Variants in DTNA observed in about 807,000 individuals in gnomAD.
The protein encoded by DTNA is dystrophin-related protein 3.
In DTNA, 43 loss-of-function variants were observed where a neutral mutation model predicts 100.7. The ratio of observed to expected loss-of-function variants is 0.43; its 90% CI spans 0.33 to 0.55. The LOEUF (loss-of-function observed/expected upper bound fraction) is 0.55, where lower values mean the gene tolerates loss of function less well. DTNA is among the 20% of genes least tolerant of loss of function. The pLI is 0.04. For missense variants in DTNA, 798 were observed against 953.9 expected, an observed-to-expected ratio of 0.84 and a Z score of 2.15; for synonymous variants, 349 against 347.9, an observed-to-expected ratio of 1.00 and a Z score of -0.04.
At chr18:34,692,634 A>T (rs1352845430) in intron 1 of DTNA, among the ~76,000 whole-genome samples, 1 of 152,244 alleles carries the variant, frequency 6.6e-6, no homozygotes, top group Non-Finnish European at 1.5e-5. Context: ...AAATAAGTTT[A>T]TGTTTAGGTT....
At chr18:34,765,546 G>C (rs573235455) in intron 2 of DTNA, among the ~76,000 whole-genome samples, 2 of 152,302 alleles carry the variant, frequency 1.3e-5, no homozygotes, top group South Asian at 4.1e-4. Context: ...ATGCTCAGCA[G>C]TCAGTACATG....
At chr18:34,500,335 T>C (rs1243366557) in intron 1 of DTNA, among the ~76,000 whole-genome samples, 1 of 151,476 alleles carries the variant, frequency 6.6e-6, no homozygotes, top group Non-Finnish European at 1.5e-5. Context: ...AATTTCAGTG[T>C]TGAGGTATTC....
intron 1 of DTNA, among the ~76,000 whole-genome samples, chr18:34,519,260 T>A (rs1314366420): frequency 6.6e-6 from 1 of 152,136 alleles, no homozygotes. Context: ...AGACAATTTT[T>A]GAAAATCACC....
At chr18:34,866,578 T>A in intron 17 of DTNA, 2 of 1,014,250 alleles carry the variant, frequency 2.0e-6, no homozygotes, top group Non-Finnish European at 2.4e-6. Context: ...AGTATTCAGT[T>A]CGGTTTCATT....
At chr18:34,545,291 C>A (rs750075176) in intron 1 of DTNA, among the ~76,000 whole-genome samples, 2 of 151,952 alleles carry the variant, frequency 1.3e-5, no homozygotes, top group African/African-American at 4.8e-5. Context: ...ATCTTGAATC[C>A]CTTTGCAGTA....
At position 34,879,650 on chromosome 18, in the gene DTNA, C is replaced by T. The variant is rs747872788; in HGVS notation, c.2093C>T (p.Ala698Val). Reference protein sequence around the residue: ...PSPTSEKAFLAQIHARKPGYI... With the variant: ...PSPTSEKAFLVQIHARKPGYI... ...CCAACCTCTGAAAAGGCTTTTCTAG[C>T]GCAAATCCATGCCCGAAAACCTGGG... The change falls in exon 20 of 23, where the codon GCG becomes GTG. Residue 698 changes from alanine to valine, a missense_variant. Transcript: ENST00000444659. 4.2e-5 allele frequency: 67 copies of T among 1,614,064 alleles called. No individual in the cohort carries two copies. Among genetic ancestry groups the T allele is most frequent in the Admixed American group, 2.8e-4 (17 of 59,998 alleles).
At chr18:34,623,294 T>C (rs1459486868) in intron 1 of DTNA, among the ~76,000 whole-genome samples, 1 of 152,228 alleles carries the variant, frequency 6.6e-6, no homozygotes, top group East Asian at 1.9e-4. Context: ...AAGACTTTTA[T>C]TTTGGTTACT....
intron 1 of DTNA, among the ~76,000 whole-genome samples, chr18:34,660,053 G>A (rs2074969698): frequency 6.6e-6 from 1 of 152,160 alleles, no homozygotes. Context: ...ACCAAGGAGG[G>A]CAGAAGGCAA....
At chr18:34,608,273 G>A (rs939401980) in intron 1 of DTNA, among the ~76,000 whole-genome samples, 1 of 152,136 alleles carries the variant, frequency 6.6e-6, no homozygotes, top group African/African-American at 2.4e-5. Flanking sequence ...TTGCTATCAC[G>A]GTCAGGAGTA....
intron 1 of DTNA, among the ~76,000 whole-genome samples, chr18:34,663,142 T>C (rs567480165): frequency 6.3e-4 from 96 of 152,034 alleles, no homozygotes; most frequent in Non-Finnish European, 1.2e-3. Context: ...GACGTTATTT[T>C]ATTTATTTAT....
chr18:34,495,440 C>T (rs1402908596), intron 1 of DTNA, among the ~76,000 whole-genome samples: 1 of 152,132 alleles, frequency 6.6e-6, no homozygotes, highest in African/African-American at 2.4e-5. Context: ...AAGCAAATGG[C>T]TAAAGCTATA....
intron 9 of DTNA, chr18:34,825,309 A>C (rs1037351310): frequency 6.2e-7 from 1 of 1,613,100 alleles, no homozygotes; most frequent in Non-Finnish European, 8.5e-7. Flanking sequence ...TCTACTTACA[A>C]AGATGTATAA....
At chr18:34,793,230 G>T (rs929806946) in intron 3 of DTNA, among the ~76,000 whole-genome samples, 12 of 144,918 alleles carry the variant, frequency 8.3e-5, no homozygotes, top group African/African-American at 3.5e-4. Flanking sequence ...ACTTTTGAGG[G>T]TGAGGACGTG....
rs998747249 is a variant in DTNA, at chr18:34,697,554, A to G, written c.-1-58422A>G. ...AGAGATGACATTGTTAGAAGGGGAGAAAAAAGGTTCCTGAAAAGGGAAATT... is the reference window on the plus strand; with the variant it reads ...AGAGATGACATTGTTAGAAGGGGAGGAAAAAGGTTCCTGAAAAGGGAAATT... On this transcript the variant is annotated intron_variant, in intron 1 of 19. Transcript: ENST00000283365. Among the ~76,000 whole-genome samples, 12 of 145,170 alleles carry G rather than the reference A, an allele frequency of 8.3e-5. No homozygotes were observed. The East Asian group carries it at 2.3e-3, about 28-fold the overall frequency.
chr18:34,821,760 C>G (rs2095726379), intron 9 of DTNA, among the ~76,000 whole-genome samples: 1 of 152,154 alleles, frequency 6.6e-6, no homozygotes, highest in African/African-American at 2.4e-5. Flanking sequence ...CCTATCACAC[C>G]ATAGGGCCTG....
At chr18:34,811,037 C>T (rs1030487044) in intron 5 of DTNA, among the ~76,000 whole-genome samples, 2 of 152,086 alleles carry the variant, frequency 1.3e-5, no homozygotes, top group African/African-American at 4.8e-5. Flanking sequence ...AAAATTAAAC[C>T]TAAAGTGAAT....
intron 17 of DTNA, chr18:34,868,455 C>G (rs758131597): frequency 7.1e-6 from 7 of 982,706 alleles, no homozygotes; most frequent in Non-Finnish European, 8.5e-6. Flanking sequence ...AAAACATGAT[C>G]TAAGGAGAGA....
intron 1 of DTNA, among the ~76,000 whole-genome samples, chr18:34,755,072 G>A (rs2092680724): frequency 2.0e-5 from 3 of 152,154 alleles, no homozygotes; most frequent in South Asian, 2.1e-4. Flanking sequence ...AAGTCAGTGT[G>A]GTAGACATAC....
chr18:34,540,728 A>G (rs1279164240), intron 1 of DTNA, among the ~76,000 whole-genome samples: 1 of 152,116 alleles, frequency 6.6e-6, no homozygotes, highest in East Asian at 1.9e-4. Flanking sequence ...AATCTAGATT[A>G]TTTAGGCAAA....
Sources: gnomAD v4.1 joint callset for allele counts (sites outside exome capture counted in the v4.1 genomes callset) on GRCh38, gnomAD v4.1.1 for gene constraint, MANE v1.5 for transcripts, NCBI Gene and HGNC (gene_info 2026-07-23, HGNC 2026-07-21) for gene names.